Variants in BMAL2 observed in about 807,000 individuals in gnomAD.
BMAL2 encodes the protein basic helix-loop-helix ARNT like 2.
At chr12:27,351,600 C>G in the BMAL2 span, among the ~76,000 whole-genome samples, 1 of 152,196 alleles carries the variant, frequency 6.6e-6, no homozygotes, top group Non-Finnish European at 1.5e-5. Flanking sequence ...GGGCCAGATA[C>G]CAGATCCCTA....
the BMAL2 span, among the ~76,000 whole-genome samples, chr12:27,404,184 C>CA: frequency 0.051 from 3,955 of 78,146 alleles, 89 homozygotes; most frequent in Middle Eastern, 0.11. Context: ...GACCCTGTCT[C>CA]AAAAAAAAAA....
the BMAL2 span, among the ~76,000 whole-genome samples, chr12:27,396,323 A>G: frequency 6.6e-6 from 1 of 152,226 alleles, no homozygotes; most frequent in African/African-American, 2.4e-5. Flanking sequence ...GAAAGGAGTG[A>G]GTGAATAATT....
the BMAL2 span, among the ~76,000 whole-genome samples, chr12:27,417,666 T>C: frequency 6.6e-6 from 1 of 152,162 alleles, no homozygotes. Flanking sequence ...AGTTGTAGCA[T>C]TGGTGGCAGG....
At chr12:27,351,611 C>G in the BMAL2 span, among the ~76,000 whole-genome samples, 1 of 152,206 alleles carries the variant, frequency 6.6e-6, no homozygotes, top group African/African-American at 2.4e-5. Context: ...CAGATCCCTA[C>G]GTAGGGACAG....
chr12:27,372,924 C>T, the BMAL2 span, among the ~76,000 whole-genome samples: 6,228 of 152,248 alleles, frequency 0.041, 156 homozygotes, highest in Non-Finnish European at 0.061. Flanking sequence ...CTGCCCACCT[C>T]GGCCTCCCAA....
chr12:27,413,348 G>A, the BMAL2 span, among the ~76,000 whole-genome samples: 1 of 152,168 alleles, frequency 6.6e-6, no homozygotes, highest in Admixed American at 6.5e-5. Context: ...TACATGATAT[G>A]TAAAAGATAT....
the BMAL2 span, among the ~76,000 whole-genome samples, chr12:27,354,696 A>G: frequency 3.3e-5 from 5 of 152,336 alleles, no homozygotes; most frequent in Middle Eastern, 6.8e-3. Flanking sequence ...AGTGACTTCC[A>G]TATTTACGCT....
the BMAL2 span, chr12:27,333,265 G>C: frequency 2.8e-6 from 2 of 715,604 alleles, no homozygotes; most frequent in Admixed American, 9.7e-5. Flanking sequence ...GGTGGGACAA[G>C]GCCGCCCCGT....
At chr12:27,401,571 G>A in the BMAL2 span, 2 of 1,608,828 alleles carry the variant, frequency 1.2e-6, no homozygotes, top group Non-Finnish European at 1.7e-6. Flanking sequence ...CAAATTCAGA[G>A]CAAAAGATGG....
At chr12:27,372,728 C>T in the BMAL2 span, among the ~76,000 whole-genome samples, 2 of 152,076 alleles carry the variant, frequency 1.3e-5, no homozygotes, top group African/African-American at 4.8e-5. Context: ...GGCTGGAGTG[C>T]AGTGGCGTGA....
the BMAL2 span, chr12:27,385,622 C>T: frequency 8.8e-7 from 1 of 1,130,382 alleles, no homozygotes; most frequent in Admixed American, 1.9e-5. Flanking sequence ...GAATAGGAGG[C>T]AGATTTTCTT....
At chr12:27,339,277 C>A in the BMAL2 span, among the ~76,000 whole-genome samples, 2 of 152,178 alleles carry the variant, frequency 1.3e-5, no homozygotes, top group African/African-American at 2.4e-5. Context: ...GATGTTCCTG[C>A]AGAGGACATG....
chr12:27,376,442 AGCCT>A, the BMAL2 span: 58 of 1,538,074 alleles, frequency 3.8e-5, 1 homozygote, highest in South Asian at 5.4e-4. Flanking sequence ...CACAAAGGCA[AGCCT>A]GTAGCCTAAG....
At chr12:27,402,223 G>A in the BMAL2 span, among the ~76,000 whole-genome samples, 1 of 151,578 alleles carries the variant, frequency 6.6e-6, no homozygotes, top group Non-Finnish European at 1.5e-5. Flanking sequence ...CTTTTTTTCT[G>A]TAAGTTTCTC....
At chr12:27,403,379 A>C in the BMAL2 span, 2 of 1,174,302 alleles carry the variant, frequency 1.7e-6, no homozygotes, top group Non-Finnish European at 2.5e-6. Context: ...AAATTATTTG[A>C]ATTGAAAGAA....
the BMAL2 span, among the ~76,000 whole-genome samples, chr12:27,407,841 C>T: frequency 2.0e-4 from 30 of 151,712 alleles, no homozygotes; most frequent in Non-Finnish European, 3.4e-4. Flanking sequence ...ATTGATCGAC[C>T]GCTAGCAAGA....
the BMAL2 span, among the ~76,000 whole-genome samples, chr12:27,409,813 C>T: frequency 5.9e-5 from 9 of 152,198 alleles, no homozygotes; most frequent in African/African-American, 2.2e-4. Flanking sequence ...AGGCAACCTA[C>T]AGAATGGGAG....
chr12:27,370,596 CT>C, the BMAL2 span, among the ~76,000 whole-genome samples: 7 of 151,950 alleles, frequency 4.6e-5, no homozygotes, highest in Non-Finnish European at 7.4e-5. Flanking sequence ...AGAGCTGGTT[CT>C]TTTTTGTTTT....
the BMAL2 span, chr12:27,401,125 C>T: frequency 5.6e-6 from 4 of 716,222 alleles, no homozygotes; most frequent in African/African-American, 7.1e-5. Context: ...GAGGGGAGCC[C>T]AGTGATATGC....
Sources: allele counts gnomAD v4.1 joint callset (sites outside exome capture counted in the v4.1 genomes callset), GRCh38; gene constraint gnomAD v4.1.1; transcripts MANE v1.5; gene names NCBI Gene and HGNC (gene_info 2026-07-23, HGNC 2026-07-21).